CENPI: variants seen among roughly 807,000 people sequenced by gnomAD.
CENPI encodes the protein centromere protein I.
In CENPI, 4 loss-of-function variants were observed where a neutral mutation model predicts 60.4. The ratio of observed to expected loss-of-function variants is 0.07; its 90% CI spans 0.03 to 0.15. The LOEUF is 0.15. CENPI is among the 10% of genes least tolerant of loss of function. CENPI has a pLI of 1.00. For missense variants in CENPI, 444 were observed against 534.5 expected, an observed-to-expected ratio of 0.83 and a Z score of 1.67; for synonymous variants, 157 against 189.4, an observed-to-expected ratio of 0.83 and a Z score of 1.40.
rs2089529147 is a variant in CENPI, at chrX:101,109,496, T to C, written c.388T>C (p.Leu130=). ...AGGAAATGCTGTAAACACACGGATA[T>C]TGAAGTGCATGATCCCAGCAACAGT... ...KFGNAVNTRI[L]KCMIPATVIS... is the part of the protein sequence containing the mutation. Residue 130 remains leucine, a synonymous_variant, in exon 5 of 22, where the codon TTG becomes CTG. Transcript: ENST00000682095. 8.3e-7 allele frequency: 1 copy of C among 1,207,164 alleles called. No homozygotes were observed. The highest frequency in any genetic ancestry group is 1.1e-6 in the Non-Finnish European group (1 of 891,232).
chrX:101,172,460 A>AG, the CENPI span, among the ~76,000 whole-genome samples: 1 of 111,298 alleles, frequency 9.0e-6, no homozygotes, highest in Admixed American at 9.6e-5. Context: ...ACTGTTTGGC[A>AG]GGAAAAAAAA....
chrX:101,153,318 G>A (rs1602853353), intron 20 of CENPI, among the ~76,000 whole-genome samples: 2 of 103,158 alleles, frequency 1.9e-5, no homozygotes, highest in East Asian at 2.9e-4. Flanking sequence ...TTTTTGAGAC[G>A]GTCGTTCTGT....
chrX:101,139,912 G>A (rs1294512718), intron 15 of CENPI, among the ~76,000 whole-genome samples: 4 of 106,420 alleles, frequency 3.8e-5, no homozygotes, highest in Non-Finnish European at 7.7e-5. Flanking sequence ...TTGGCTCACT[G>A]CAAGCTCCTT....
intron 6 of CENPI, among the ~76,000 whole-genome samples, chrX:101,119,260 G>C (rs2089652687): frequency 8.9e-6 from 1 of 112,232 alleles, no homozygotes; most frequent in African/African-American, 3.2e-5. Context: ...CCATTTCTAA[G>C]TACAGAAGAG....
the CENPI span, among the ~76,000 whole-genome samples, chrX:101,174,079 A>G: frequency 8.9e-6 from 1 of 112,314 alleles, no homozygotes; most frequent in Non-Finnish European, 1.9e-5. Flanking sequence ...ACTATTATAA[A>G]AAAGTCGAAA....
At chrX:101,142,945 C>T (rs1350202357) in intron 16 of CENPI, among the ~76,000 whole-genome samples, 1 of 108,646 alleles carries the variant, frequency 9.2e-6, no homozygotes, top group South Asian at 4.1e-4. Context: ...TGGTGGTGCA[C>T]GCCTGTAATC....
intron 17 of CENPI, 141 bp from the exon 18 acceptor site, chrX:101,146,012 T>A: frequency 2.3e-6 from 1 of 437,007 alleles, no homozygotes; most frequent in Non-Finnish European, 3.7e-6. Flanking sequence ...AGCCAGCTTG[T>A]AGATGTTTAT....
intron 8 of CENPI, 56 bp downstream of exon 8, chrX:101,120,840 C>T (rs1220949126): frequency 1.1e-6 from 1 of 946,988 alleles, no homozygotes; most frequent in Non-Finnish European, 1.5e-6. Context: ...GGTACTGAGC[C>T]AGGCATTGGG....
At chrX:101,167,872 C>G (rs2090148177), downstream of CENPI, among the ~76,000 whole-genome samples, 1 of 111,826 alleles carries the variant, frequency 8.9e-6, no homozygotes, top group African/African-American at 3.2e-5. Context: ...TGGGTGTGGT[C>G]CAAAGTAGAA....
At chrX:101,101,433 A>G (rs970450307) in intron 3 of CENPI, 137 bp downstream of exon 3, 2 of 464,399 alleles carry the variant, frequency 4.3e-6, no homozygotes, top group Non-Finnish European at 7.3e-6. Flanking sequence ...TTGAGCAATT[A>G]CTATATATCA....
chrX:101,121,802 C>CTTTTT (rs746498873), intron 8 of CENPI, among the ~76,000 whole-genome samples: 3 of 79,657 alleles, frequency 3.8e-5, no homozygotes, highest in African/African-American at 4.9e-5. Flanking sequence ...TCTAGGAAAG[C>CTTTTT]TTTTTTTTTT....
rs1015625051 is a variant in CENPI, at chrX:101,164,665, A to G, written c.*1698A>G. Among the ~76,000 whole-genome samples, 1 of 112,403 alleles carries G rather than the reference A, an allele frequency of 8.9e-6. No individual in the cohort carries two copies. The highest frequency in any genetic ancestry group is 3.2e-5 in the African/African-American group (1 of 30,968). Reference sequence around the variant, plus strand: ...CTGTTTTTATGGAGTTTACATTCCAATGGAGAAGACAGACAATAACATATA... The same window carrying G: ...CTGTTTTTATGGAGTTTACATTCCAGTGGAGAAGACAGACAATAACATATA... On this transcript the variant is annotated 3_prime_UTR_variant, in exon 22 of 22. Transcript: ENST00000682095.
chrX:101,167,744 C>G (rs1302042998), downstream of CENPI, among the ~76,000 whole-genome samples: 1 of 112,168 alleles, frequency 8.9e-6, no homozygotes, highest in Non-Finnish European at 1.9e-5. Context: ...TCAATTTATT[C>G]AAAATTTACA....
intron 21 of CENPI, among the ~76,000 whole-genome samples, chrX:101,162,455 C>CAAAA (rs1190768253): frequency 1.9e-5 from 1 of 53,966 alleles, no homozygotes; most frequent in Admixed American, 2.6e-4. Context: ...AACCGTATCT[C>CAAAA]AAAAAAAAAA....
chrX:101,120,469 G>A lies in CENPI; in HGVS notation c.640+19G>A. On this transcript the variant is annotated intron_variant, in intron 7 of 21. Transcript: ENST00000682095. ...GAGAATGGTGAGTATTTTCATTACA[G>A]TTGTATTATACTTTGTAGAATTAGC... The A allele has an allele frequency of 2.4e-6, 2 of 835,913 alleles. No homozygotes were observed. The highest frequency in any genetic ancestry group is 2.2e-5 in the South Asian group (1 of 45,528). The allele number at this position is 835,913 out of a possible 1,213,427, so 68.9% of individuals were successfully genotyped here.
At chrX:101,145,604 A>G (rs1038674352) in intron 17 of CENPI, among the ~76,000 whole-genome samples, 4 of 108,960 alleles carry the variant, frequency 3.7e-5, no homozygotes, top group Non-Finnish European at 7.7e-5. Flanking sequence ...ATTGTTTTAT[A>G]GTATATGACC....
chrX:101,177,229 C>G, the CENPI span, among the ~76,000 whole-genome samples: 1 of 111,013 alleles, frequency 9.0e-6, no homozygotes, highest in Non-Finnish European at 1.9e-5. Flanking sequence ...GTGGAACAAG[C>G]CTTTTGCTCC....
chrX:101,169,849 C>T (rs2090152588), downstream of CENPI, among the ~76,000 whole-genome samples: 1 of 109,545 alleles, frequency 9.1e-6, no homozygotes, highest in South Asian at 3.9e-4. Context: ...TAATTTTTAA[C>T]AAAAAAGTGA....
At chrX:101,140,115 C>T (rs1048036099) in intron 15 of CENPI, among the ~76,000 whole-genome samples, 1 of 112,142 alleles carries the variant, frequency 8.9e-6, no homozygotes, top group Non-Finnish European at 1.9e-5. Context: ...GGATTACAGG[C>T]GTGAGCCACC....
Sources: gnomAD v4.1 joint callset for allele counts (sites outside exome capture counted in the v4.1 genomes callset) on GRCh38, gnomAD v4.1.1 for gene constraint, MANE v1.5 for transcripts, NCBI Gene and HGNC (gene_info 2026-07-23, HGNC 2026-07-21) for gene names.